The following ERN2 variants were observed in gnomAD, a reference collection of about 807,000 sequenced individuals.
ERN2 encodes the protein endoplasmic reticulum to nucleus signaling 2, also known as serine/threonine-protein kinase/endoribonuclease IRE2.
Under a neutral mutation model 107.9 loss-of-function variants are expected in ERN2, and 111 were observed. The ratio of observed to expected loss-of-function variants is 1.03; its 90% CI spans 0.88 to 1.20. The LOEUF is 1.20. Ranked by LOEUF, ERN2 falls within the 50% of genes most tolerant of loss-of-function variation. The probability of loss-of-function intolerance (pLI) is 0.00; values close to 1 mark genes in which losing one functional copy is unlikely to be tolerated. For missense variants in ERN2, 1,225 were observed against 1,197.9 expected, an observed-to-expected ratio of 1.02 and a Z score of -0.33; for synonymous variants, 524 against 501.7, an observed-to-expected ratio of 1.04 and a Z score of -0.59.
At position 23,691,058 on chromosome 16, in the gene ERN2, A is replaced by G; in HGVS notation, c.2569-15T>C. On this transcript the variant is annotated splice_polypyrimidine_tract_variant and intron_variant, in intron 21 of 21. Transcript: ENST00000256797. The stretch of plus-strand genomic sequence containing the variant: ...TAGTGGTGCTTCTGTGGGTAGGTAG[A>G]GCAGAGAACCCTGGCTCAGCTGCGG... 6.2e-7 allele frequency: 1 copy of G among 1,613,914 alleles called. No homozygotes were observed. The highest frequency in any genetic ancestry group is 8.5e-7 in the Non-Finnish European group (1 of 1,179,802).
In ERN2 at chr16:23,690,933, CG is replaced by C; in HGVS notation, c.2678del (p.Thr893SerfsTer5). 6.2e-7 allele frequency: 1 copy of C among 1,613,942 alleles called. No individual in the cohort carries two copies. Among genetic ancestry groups the C allele is most frequent in the Non-Finnish European group, 8.5e-7 (1 of 1,180,016 alleles). Reference sequence around the variant, plus strand: ...AGGCGCAGCTCCTCATGGCTCGGTGCGTGTGGAGGAGCAGCCGTGGGAAGCG... The same window carrying C: ...AGGCGCAGCTCCTCATGGCTCGGTGCTGTGGAGGAGCAGCCGTGGGAAGCG... ...TNRFPRLLLH[T>X]HRAMRSCASE... On this transcript the variant is annotated frameshift_variant, in exon 22 of 22. Coordinates refer to ENST00000256797, the MANE Select transcript of ERN2 (RefSeq NM_033266.4). LOFTEE classifies it low-confidence loss of function (END_TRUNC).
chr16:23,706,667 A>G, intron 6 of ERN2, 87 bp downstream of exon 6: 5 of 949,108 alleles, frequency 5.3e-6, no homozygotes, highest in Non-Finnish European at 8.3e-6. Context: ...ACTGTCCTGA[A>G]TTCAACTTGG....
rs760320667 is a variant in ERN2, at chr16:23,700,663, CA to C, written c.1400del (p.Leu467ArgfsTer48). 5.0e-6 allele frequency: 8 copies of C among 1,613,980 alleles called. No individual in the cohort carries two copies. Among genetic ancestry groups the C allele is most frequent in the Admixed American group, 3.3e-5 (2 of 59,996 alleles). The part of the protein sequence containing the change: ...QVVEKQQETP[L>X]APADFAHISQ... ...AGATGTGAGCAAAGTCTGCAGGTGC[CA>C]GGGGGGTCTCCTGCTGCTTCTCCAC... On this transcript the variant is annotated frameshift_variant, in exon 13 of 22. Coordinates refer to ENST00000256797, the MANE Select transcript of ERN2 (RefSeq NM_033266.4). LOFTEE classifies it high-confidence loss of function.
chr16:23,693,795 T>G (rs1254179477), intron 17 of ERN2, among the ~76,000 whole-genome samples: 1 of 152,098 alleles, frequency 6.6e-6, no homozygotes, highest in African/African-American at 2.4e-5. Context: ...CCACACACTG[T>G]GACTCAAAAT....
chr16:23,702,409 T>C lies in ERN2; in HGVS notation c.1062A>G (p.Pro354=). 2 of 1,613,624 alleles carry C rather than the reference T, an allele frequency of 1.2e-6. No homozygotes were observed. The highest frequency in any genetic ancestry group is 1.7e-6 in the Non-Finnish European group (2 of 1,179,886). ...TCTCACCAATGAGCAGCCACTGGCT[T>C]GGGAGGGCCACACTGCCTGAGGGGT... ...VRYPSGSVAL[P]SQWLLIGHHE... is the part of the protein sequence containing the mutation. The change falls in exon 10 of 22, where the codon CCA becomes CCG. Residue 354 remains proline (P), a synonymous_variant. Transcript: ENST00000256797.
intron 12 of ERN2, 112 bp downstream of exon 12, chr16:23,700,847 G>A (rs1194499464): frequency 6.8e-7 from 1 of 1,465,380 alleles, no homozygotes; most frequent in African/African-American, 1.4e-5. Flanking sequence ...TGCTGGGAGG[G>A]AGGCAGGGGG....
Position 23,713,127 on chromosome 16 carries a change from C to T in ERN2, c.61G>A (p.Ala21Thr). Residue 21 changes from alanine (A) to threonine (T), a missense_variant, in exon 1 of 22, where the codon GCG (alanine) becomes ACG (threonine). Physicochemically the swap from Ala to Thr is moderately conservative, Grantham distance 58. Transcript: ENST00000256797. ...WPRLGLQLQF[A>T]ALLLGTLSPQ... ...CTCAGCGTCCCGAGCAGCAGCGCCGCGAACTGGAGCTGGAGCCCCAGCCGG... is the reference window on the plus strand; with the variant it reads ...CTCAGCGTCCCGAGCAGCAGCGCCGTGAACTGGAGCTGGAGCCCCAGCCGG... 2 of 1,575,766 alleles carry T rather than the reference C, an allele frequency of 1.3e-6. No individual in the cohort carries two copies. Among genetic ancestry groups the T allele is most frequent in the Non-Finnish European group, 1.7e-6 (2 of 1,166,452 alleles).
Position 23,695,021 on chromosome 16 carries a change from A to C in ERN2, c.1898T>G (p.Ile633Arg). 6.2e-7 allele frequency: 1 copy of C among 1,613,210 alleles called. No individual in the cohort carries two copies. The change falls in exon 16 of 22, where the codon ATA (isoleucine) becomes AGA (arginine). Residue 633 changes from isoleucine (I) to arginine (R), a missense_variant and splice_region_variant. Transcript: ENST00000256797. Reference protein sequence around the residue: ...SGLAHLHSLHIVHRDLKPGNI... With the variant: ...SGLAHLHSLHRVHRDLKPGNI... ...GGAGGCAGGGGAAGTGCGGGTACCT[A>C]TGTGTAAAGAGTGCAGGTGGGCCAG... is the stretch of plus-strand genomic sequence containing the variant.
rs56129167 is a variant in ERN2 at position 23,690,925 on chromosome 16, G to C, written c.2687C>G (p.Ala896Gly). 6.5e-3 allele frequency: 10,437 copies of C among 1,614,046 alleles called. 57 individuals carry two copies. The highest frequency in any genetic ancestry group is 0.011 in the Middle Eastern group (66 of 6,062). Residue 896 changes from alanine to glycine, a missense_variant, in exon 22 of 22, where the codon GCC (alanine) becomes GGC (glycine). Physicochemically the swap from Ala to Gly is moderately conservative, Grantham distance 60. Transcript: ENST00000256797. Reference protein sequence around the residue: ...FPRLLLHTHRAMRSCASESLF... With the variant: ...FPRLLLHTHRGMRSCASESLF... ...GCTCTCAGAGGCGCAGCTCCTCATG[G>C]CTCGGTGCGTGTGGAGGAGCAGCCG...
chr16:23,701,039 C>T lies in ERN2; in HGVS notation c.1279G>A (p.Gly427Arg). The T allele has an allele frequency of 1.2e-6, 2 of 1,614,104 alleles. No individual in the cohort carries two copies. The highest frequency in any genetic ancestry group is 1.7e-6 in the Non-Finnish European group (2 of 1,179,982). Residue 427 changes from glycine (G) to arginine (R), a missense_variant, in exon 12 of 22, where the codon GGG becomes AGG. By Grantham distance (125) the Gly-to-Arg change is moderately radical (BLOSUM62 -2). Coordinates refer to ENST00000256797, the MANE Select transcript of ERN2 (RefSeq NM_033266.4). Reference protein sequence around the residue: ...PEEKTPDSYLGLGPQDLLAAS... With the variant: ...PEEKTPDSYLRLGPQDLLAAS... ...GCCAGCAGGTCTTGGGGTCCCAGCCCCAAGTAAGAGTCTGGAGTTTTTTCT... is the reference window on the plus strand; with the variant it reads ...GCCAGCAGGTCTTGGGGTCCCAGCCTCAAGTAAGAGTCTGGAGTTTTTTCT...
At chr16:23,700,486 G>T in intron 13 of ERN2, 53 bp downstream of exon 13, 1 of 1,535,256 alleles carries the variant, frequency 6.5e-7, no homozygotes, top group South Asian at 1.3e-5. Context: ...AGCTAAATCT[G>T]CCCCTGGCTT....
At chr16:23,695,804 G>T (rs894621840) in intron 14 of ERN2, 90 bp downstream of exon 14, 1 of 892,232 alleles carries the variant, frequency 1.1e-6, no homozygotes, top group Non-Finnish European at 1.8e-6. Flanking sequence ...CCCACCTCGG[G>T]GAGTCTTTGA....
At chr16:23,708,083 A>G (rs928903096) in intron 4 of ERN2, among the ~76,000 whole-genome samples, 31 of 151,880 alleles carry the variant, frequency 2.0e-4, no homozygotes, top group African/African-American at 7.5e-4. Context: ...GTGTTCCTCT[A>G]CCGAAGCCCT....
At position 23,694,910 on chromosome 16, in the gene ERN2, G is replaced by C. The variant is rs759040624; in HGVS notation, c.1918C>G (p.Pro640Ala). The stretch of plus-strand genomic sequence containing the variant: ...GGCCCGGTGATGAGAATATTTCCTG[G>C]CTTCAGGTCCCGGTGCACTGTGGGA... ...SLHIVHRDLK[P>A]GNILITGPDS... The change falls in exon 17 of 22, where the codon CCA becomes GCA. Residue 640 changes from proline (P) to alanine (A), a missense_variant. Coordinates refer to ENST00000256797, the MANE Select transcript of ERN2 (RefSeq NM_033266.4). 4.3e-6 allele frequency: 7 copies of C among 1,614,220 alleles called. No individual in the cohort carries two copies. The highest frequency in any genetic ancestry group is 5.9e-6 in the Non-Finnish European group (7 of 1,180,038).
chr16:23,695,778 G>A, intron 14 of ERN2, 116 bp downstream of exon 14: 3 of 670,784 alleles, frequency 4.5e-6, no homozygotes, highest in Non-Finnish European at 8.1e-6. Context: ...ACTGGCGAGT[G>A]AGGGATCAAC....
chr16:23,690,796 A>T lies in ERN2; in HGVS notation c.*35T>A, dbSNP rs746083446. ...CACAGGCTCAGCTCTTCAGTGAGCC[A>T]GCACGGAGACCATCTGTGTGGCATC... is the stretch of plus-strand genomic sequence containing the variant. On this transcript the variant is annotated 3_prime_UTR_variant, in exon 22 of 22. Coordinates refer to ENST00000256797, the MANE Select transcript of ERN2 (RefSeq NM_033266.4). 2 of 1,566,974 alleles carry T rather than the reference A, an allele frequency of 1.3e-6. No homozygotes were observed. Among genetic ancestry groups the T allele is most frequent in the Admixed American group, 3.4e-5 (2 of 59,376 alleles).
chr16:23,710,853 T>A, intron 2 of ERN2, 60 bp downstream of exon 2: 6 of 1,204,878 alleles, frequency 5.0e-6, no homozygotes, highest in Non-Finnish European at 7.4e-6. Flanking sequence ...TATGCCACAG[T>A]GACTATCCCT....
At chr16:23,710,453 A>G in intron 3 of ERN2, 63 bp downstream of exon 3, 1 of 1,551,610 alleles carries the variant, frequency 6.4e-7, no homozygotes, top group Non-Finnish European at 8.9e-7. Flanking sequence ...AACTCTCTCC[A>G]GACAACTATG....
Position 23,713,181 on chromosome 16 carries a change from T to A in ERN2, c.7A>T (p.Ser3Cys), listed in dbSNP as rs1960615136. The A allele has an allele frequency of 7.0e-6, 11 of 1,577,808 alleles. No individual in the cohort carries two copies. The highest frequency in any genetic ancestry group is 9.4e-6 in the Non-Finnish European group (11 of 1,168,344). Residue 3 changes from serine to cysteine, a missense_variant, in exon 1 of 22, where the codon AGT becomes TGT. Coordinates refer to ENST00000256797, the MANE Select transcript of ERN2 (RefSeq NM_033266.4). ...CACGGCCTCGACCCCCTGACCGCAC[T>A]CGCCATAGCGCCTGGGCAGCTGCAC... MA[S>C]AVRGSRPWPR...
Sources: allele counts gnomAD v4.1 joint callset (sites outside exome capture counted in the v4.1 genomes callset), GRCh38; gene constraint gnomAD v4.1.1; transcripts MANE v1.5; gene names NCBI Gene and HGNC (gene_info 2026-07-23, HGNC 2026-07-21).